CAST: variants seen among roughly 807,000 people sequenced by gnomAD.
CAST encodes calpastatin.
A neutral mutation model predicts 119.6 loss-of-function variants in CAST; 76 were observed. The observed-to-expected ratio is 0.64, with a 90% CI of 0.53 to 0.77. The LOEUF is 0.77. Ranked by LOEUF, CAST falls within the 30% of genes least tolerant of loss-of-function variation. The pLI is 0.00. For synonymous variants in CAST, 319 were observed against 331.6 expected, an observed-to-expected ratio of 0.96 and a Z score of 0.41; for missense variants, 953 against 946.5, an observed-to-expected ratio of 1.01 and a Z score of -0.09.
the CAST span, among the ~76,000 whole-genome samples, chr5:96,027,116 G>A: frequency 6.6e-6 from 1 of 152,072 alleles, no homozygotes; most frequent in Non-Finnish European, 1.5e-5. Context: ...CTACTTGGAA[G>A]CCTGAGGTGA....
the CAST span, among the ~76,000 whole-genome samples, chr5:96,463,800 T>C: frequency 6.6e-6 from 1 of 152,024 alleles, no homozygotes; most frequent in African/African-American, 2.4e-5. Context: ...ATAACTAAAC[T>C]CTCCTTCTCT....
At chr5:96,083,981 C>T in the CAST span, among the ~76,000 whole-genome samples, 1 of 151,914 alleles carries the variant, frequency 6.6e-6, no homozygotes, top group Non-Finnish European at 1.5e-5. Flanking sequence ...GTTTCTATTG[C>T]AGGGGTTTTT....
chr5:96,685,755 A>G (rs754304984), intron 2 of CAST, among the ~76,000 whole-genome samples: 3 of 151,988 alleles, frequency 2.0e-5, no homozygotes, highest in Admixed American at 1.3e-4. Flanking sequence ...AGAAATTCAG[A>G]CTCCTAGGCT....
the CAST span, among the ~76,000 whole-genome samples, chr5:96,046,678 A>G: frequency 6.6e-6 from 1 of 152,218 alleles, no homozygotes; most frequent in African/African-American, 2.4e-5. Flanking sequence ...ACAAAAGAGT[A>G]ATAAGACATG....
chr5:96,402,268 C>T, the CAST span, among the ~76,000 whole-genome samples: 1 of 152,226 alleles, frequency 6.6e-6, no homozygotes, highest in African/African-American at 2.4e-5. Flanking sequence ...CCTGGCACGA[C>T]ACACGGGGAA....
the CAST span, among the ~76,000 whole-genome samples, chr5:96,291,485 G>A: frequency 9.2e-5 from 14 of 151,378 alleles, no homozygotes; most frequent in Non-Finnish European, 1.9e-4. Flanking sequence ...TTTTTTTCCC[G>A]GAAGAAAGAT....
chr5:96,169,418 A>G, the CAST span, among the ~76,000 whole-genome samples: 2 of 152,152 alleles, frequency 1.3e-5, no homozygotes, highest in African/African-American at 2.4e-5. Context: ...TATTGAGGAT[A>G]GGAGAGTATA....
chr5:96,396,507 G>A, the CAST span, among the ~76,000 whole-genome samples: 1 of 150,824 alleles, frequency 6.6e-6, no homozygotes, highest in Non-Finnish European at 1.5e-5. Context: ...GTTGCAGTGA[G>A]CCGAGACTGT....
intron 1 of CAST, among the ~76,000 whole-genome samples, chr5:96,619,528 C>T (rs1020719307): frequency 1.3e-5 from 2 of 152,232 alleles, no homozygotes; most frequent in South Asian, 2.1e-4. Flanking sequence ...GGTCCTCTTC[C>T]ACAGTGTGGT....
the CAST span, among the ~76,000 whole-genome samples, chr5:96,095,749 G>A: frequency 6.6e-6 from 1 of 151,768 alleles, no homozygotes; most frequent in Non-Finnish European, 1.5e-5. Context: ...AGAGACCTTG[G>A]TTCTTTCTTC....
chr5:96,231,107 T>C, the CAST span, among the ~76,000 whole-genome samples: 2 of 152,156 alleles, frequency 1.3e-5, no homozygotes, highest in Non-Finnish European at 2.9e-5. Context: ...ATTTACCATA[T>C]GATCTAGCAA....
chr5:96,636,806 G>A (rs1042065087), intron 1 of CAST, among the ~76,000 whole-genome samples: 10 of 152,108 alleles, frequency 6.6e-5, no homozygotes, highest in Admixed American at 3.3e-4. Context: ...TACGACATTT[G>A]CAGAAGTGTG....
chr5:96,532,129 A>C (rs908542982), intron 1 of CAST, among the ~76,000 whole-genome samples: 9 of 152,124 alleles, frequency 5.9e-5, no homozygotes, highest in Admixed American at 4.6e-4. Flanking sequence ...AAACCAAAGG[A>C]TATTTCCAAG....
At chr5:96,534,810 A>C (rs1745769821) in intron 1 of CAST, among the ~76,000 whole-genome samples, 1 of 145,380 alleles carries the variant, frequency 6.9e-6, no homozygotes, top group African/African-American at 2.7e-5. Context: ...AGAAGAAAGA[A>C]AGAAAGAAAG....
At chr5:96,477,453 C>T in the CAST span, among the ~76,000 whole-genome samples, 1 of 152,148 alleles carries the variant, frequency 6.6e-6, no homozygotes, top group Admixed American at 6.5e-5. Context: ...ACAGTAGTTA[C>T]TTCTAGGGCT....
the CAST span, among the ~76,000 whole-genome samples, chr5:96,275,601 C>A: frequency 6.6e-6 from 1 of 152,210 alleles, no homozygotes; most frequent in African/African-American, 2.4e-5. Flanking sequence ...CCATTCTCTG[C>A]TCTCACCCCT....
At chr5:96,756,380 T>C (rs545034518) in intron 22 of CAST, among the ~76,000 whole-genome samples, 1 of 152,278 alleles carries the variant, frequency 6.6e-6, no homozygotes, top group South Asian at 2.1e-4. Context: ...TGAAGAATGG[T>C]CAGAAGGCAA....
intron 19 of CAST, among the ~76,000 whole-genome samples, chr5:96,749,891 C>G (rs571716699): frequency 5.9e-5 from 9 of 152,310 alleles, no homozygotes; most frequent in African/African-American, 2.2e-4. Context: ...CAGTGGTTCT[C>G]AAACTTTAGC....
the CAST span, among the ~76,000 whole-genome samples, chr5:96,467,781 AG>A: frequency 6.6e-6 from 1 of 152,092 alleles, no homozygotes; most frequent in African/African-American, 2.4e-5. Context: ...ATGCACTGCT[AG>A]TGGGGATGTA....
Sources: gnomAD v4.1 joint callset for allele counts (sites outside exome capture counted in the v4.1 genomes callset) on GRCh38, gnomAD v4.1.1 for gene constraint, MANE v1.5 for transcripts, NCBI Gene and HGNC (gene_info 2026-07-23, HGNC 2026-07-21) for gene names.